DSCAML1: variants seen among roughly 807,000 people sequenced by gnomAD.
The protein encoded by DSCAML1 is cell adhesion molecule DSCAML1.
Under a neutral mutation model 200.5 loss-of-function variants are expected in DSCAML1, and 38 were observed. The ratio of observed to expected loss-of-function variants is 0.19; its 90% CI spans 0.15 to 0.25. DSCAML1 has a LOEUF of 0.25. Among genes scored for constraint, DSCAML1 ranks in the 10% least tolerant of loss-of-function variants. The pLI, the probability that DSCAML1 is intolerant of heterozygous loss-of-function variation, is 1.00. For missense variants in DSCAML1, 2,223 were observed against 2,858.8 expected (o/e 0.78, Z 5.07); for synonymous variants, 1,215 against 1,165.0 (o/e 1.04, Z -0.87).
intron 3 of DSCAML1, among the ~76,000 whole-genome samples, chr11:117,560,999 G>A (rs2050651941): frequency 6.6e-6 from 1 of 152,214 alleles, no homozygotes; most frequent in Admixed American, 6.5e-5. Flanking sequence ...GAGATGGAGG[G>A]CGGGTGCTGG....
chr11:117,482,356 C>T (rs140714279), intron 11 of DSCAML1, among the ~76,000 whole-genome samples, 194 bp from the exon 12 acceptor site: 49 of 152,298 alleles, frequency 3.2e-4, no homozygotes, highest in African/African-American at 8.9e-4. Flanking sequence ...CCCTCTTCAC[C>T]GGGGGTCCCA....
intron 3 of DSCAML1, among the ~76,000 whole-genome samples, chr11:117,678,836 G>C (rs1191224651): frequency 6.6e-6 from 1 of 152,270 alleles, no homozygotes; most frequent in East Asian, 1.9e-4. Flanking sequence ...TTGTAGGCGA[G>C]GACTTTGGCT....
chr11:117,586,036 C>A (rs2051134673), intron 3 of DSCAML1, among the ~76,000 whole-genome samples: 1 of 152,118 alleles, frequency 6.6e-6, no homozygotes, highest in Admixed American at 6.5e-5. Flanking sequence ...GGCATGAGGG[C>A]CCTTGATGGG....
At chr11:117,451,436 C>T (rs2048281514) in intron 19 of DSCAML1, among the ~76,000 whole-genome samples, 1 of 152,158 alleles carries the variant, frequency 6.6e-6, no homozygotes. Flanking sequence ...GATAGCATCC[C>T]ATTCAATTTA....
chr11:117,813,134 C>A (rs556041419), intron 1 of DSCAML1, among the ~76,000 whole-genome samples: 5 of 152,178 alleles, frequency 3.3e-5, no homozygotes, highest in Non-Finnish European at 5.9e-5. Flanking sequence ...TAAAAACACA[C>A]CTCACCAAGC....
rs767075354 is a variant in DSCAML1, at chr11:117,435,725, C to T, written c.4795G>A (p.Val1599Ile). The change falls in exon 27 of 33, where the codon GTC becomes ATC. Residue 1599 changes from valine (V) to isoleucine (I), a missense_variant. Val to Ile is a conservative substitution (Grantham distance 29). This residue lies in a region of DSCAML1 where 614 missense variants were observed against 739.1 expected (regional missense o/e 0.83). Coordinates refer to ENST00000651296, the MANE Select transcript of DSCAML1 (RefSeq NM_020693.4). ...GCCACCCCCAGTGTGGCCAGGATGA[C>T]AGGGCAGCCGATGGTGAACAGCTTC... ...VKKLFTIGCPVILATLGVALL... is the reference protein window; with the variant it reads ...VKKLFTIGCPIILATLGVALL... 5 of 1,613,484 alleles carry T rather than the reference C, an allele frequency of 3.1e-6. No individual in the cohort carries two copies. Among genetic ancestry groups the T allele is most frequent in the South Asian group, 1.1e-5 (1 of 91,020 alleles).
At chr11:117,681,640 G>A (rs1019485550) in intron 3 of DSCAML1, among the ~76,000 whole-genome samples, 1 of 152,054 alleles carries the variant, frequency 6.6e-6, no homozygotes, top group African/African-American at 2.4e-5. Flanking sequence ...CTCCTCCATG[G>A]CTACCCTGCC....
intron 3 of DSCAML1, among the ~76,000 whole-genome samples, chr11:117,656,496 CATCTATCTATCTATCTATCTATCT>C (rs71469141): frequency 4.7e-5 from 7 of 147,398 alleles, no homozygotes; most frequent in Admixed American, 1.4e-4. Context: ...TTACCTAAAT[CATCTATCTATCTATCTATCTATCT>C]ATCTATCTAT....
At chr11:117,594,411 C>G (rs1448454025) in intron 3 of DSCAML1, among the ~76,000 whole-genome samples, 3 of 152,214 alleles carry the variant, frequency 2.0e-5, no homozygotes, top group Non-Finnish European at 4.4e-5. Context: ...AAACAAACAC[C>G]CTTGAGAAGA....
intron 1 of DSCAML1, among the ~76,000 whole-genome samples, chr11:117,794,042 C>G (rs867681533): frequency 1.5e-4 from 22 of 146,136 alleles, no homozygotes; most frequent in South Asian, 1.3e-3. Context: ...GCCCCCCCCC[C>G]CTTTTTTTAA....
intron 3 of DSCAML1, among the ~76,000 whole-genome samples, chr11:117,741,049 A>G (rs1008974172): frequency 2.0e-5 from 3 of 152,196 alleles, no homozygotes; most frequent in African/African-American, 7.2e-5. Flanking sequence ...TGTGGGGTAC[A>G]TTTTCTTTGT....
chr11:117,745,533 T>C (rs528224062), intron 3 of DSCAML1, among the ~76,000 whole-genome samples: 3 of 152,186 alleles, frequency 2.0e-5, no homozygotes, highest in Admixed American at 6.5e-5. Flanking sequence ...CCTCCTAGTC[T>C]CACCGACCTA....
intron 3 of DSCAML1, among the ~76,000 whole-genome samples, chr11:117,751,097 TTGTG>T (rs1314715270): frequency 1.6e-4 from 25 of 152,176 alleles, no homozygotes; most frequent in Admixed American, 1.2e-3. Flanking sequence ...GCATGCATGT[TTGTG>T]TGTGTTTGTG....
intron 21 of DSCAML1, among the ~76,000 whole-genome samples, chr11:117,442,059 T>C (rs2048064151): frequency 6.6e-6 from 1 of 151,862 alleles, no homozygotes; most frequent in Non-Finnish European, 1.5e-5. Context: ...AGTGTATGTG[T>C]GTGCGCAGAT....
At chr11:117,687,005 C>T (rs1339362221) in intron 3 of DSCAML1, among the ~76,000 whole-genome samples, 2 of 152,184 alleles carry the variant, frequency 1.3e-5, no homozygotes, top group Non-Finnish European at 2.9e-5. Context: ...AATTTGCTGG[C>T]TGTGGGTAGG....
chr11:117,661,489 T>A (rs767090049), intron 3 of DSCAML1, among the ~76,000 whole-genome samples: 1 of 152,208 alleles, frequency 6.6e-6, no homozygotes, highest in South Asian at 2.1e-4. Context: ...ATTACAAACA[T>A]CAAGTTACAT....
At chr11:117,567,454 A>T (rs1023565144) in intron 3 of DSCAML1, among the ~76,000 whole-genome samples, 1 of 151,864 alleles carries the variant, frequency 6.6e-6, no homozygotes, top group Non-Finnish European at 1.5e-5. Flanking sequence ...AATTTGTTTG[A>T]GTTCATTGTA....
chr11:117,788,907 G>T (rs995643218), intron 1 of DSCAML1, among the ~76,000 whole-genome samples: 2 of 152,186 alleles, frequency 1.3e-5, no homozygotes, highest in Admixed American at 6.5e-5. Flanking sequence ...CACACTGTGG[G>T]GGGATTTTCT....
At chr11:117,815,673 T>C (rs745311319) in intron 1 of DSCAML1, among the ~76,000 whole-genome samples, 4 of 151,882 alleles carry the variant, frequency 2.6e-5, no homozygotes, top group African/African-American at 9.7e-5. Context: ...TCACTCAGGG[T>C]GACAGCAGGT....
Sources: gnomAD v4.1 joint callset for allele counts (sites outside exome capture counted in the v4.1 genomes callset) on GRCh38, gnomAD v4.1.1 for gene constraint, gnomAD v4.1.1 regional missense constraint, MANE v1.5 for transcripts, NCBI Gene and HGNC (gene_info 2026-07-23, HGNC 2026-07-21) for gene names.